The following ZNF827 variants were observed in gnomAD, a reference collection of about 807,000 sequenced individuals.
The protein encoded by ZNF827 is zinc finger protein 827.
ZNF827 carries 13 observed loss-of-function variants against 102.4 expected under a neutral mutation model. That is an observed-to-expected ratio of 0.13 (90% CI 0.08 to 0.20). The LOEUF is 0.20. ZNF827 is among the 10% of genes least tolerant of loss of function. ZNF827 has a pLI of 1.00. For synonymous variants in ZNF827, 523 were observed against 536.2 expected, an observed-to-expected ratio of 0.98 and a Z score of 0.34; for missense variants, 1,103 against 1,344.4, an observed-to-expected ratio of 0.82 and a Z score of 2.81.
intron 9 of ZNF827, 74 bp from the exon 10 acceptor site, chr4:145,776,034 T>C (rs2126948918): frequency 6.4e-7 from 1 of 1,552,930 alleles, no homozygotes; most frequent in African/African-American, 1.4e-5. Context: ...CAAGAATCAG[T>C]TAAAGGTATC....
chr4:145,867,660 C>T (rs775497963), intron 5 of ZNF827, among the ~76,000 whole-genome samples: 11 of 152,192 alleles, frequency 7.2e-5, no homozygotes, highest in Non-Finnish European at 1.5e-4. Flanking sequence ...ATGCCTCATC[C>T]TTGCATAACT....
chr4:145,771,128 A>G, intron 11 of ZNF827: 1 of 152,198 alleles, frequency 6.6e-6, no homozygotes, highest in East Asian at 1.9e-4. Context: ...AGGTTTTCTT[A>G]ACAGTTTATA....
At chr4:145,887,937 G>A (rs1750257656) in intron 3 of ZNF827, among the ~76,000 whole-genome samples, 1 of 152,196 alleles carries the variant, frequency 6.6e-6, no homozygotes, top group Non-Finnish European at 1.5e-5. Flanking sequence ...TACATCTACT[G>A]ACCCAGGAGA....
chr4:145,779,388 A>T lies in ZNF827; in HGVS notation c.2507T>A (p.Leu836His), dbSNP rs1473434378. 6.2e-7 allele frequency: 1 copy of T among 1,614,112 alleles called. No individual in the cohort carries two copies. Among genetic ancestry groups the T allele is most frequent in the East Asian group, 2.2e-5 (1 of 44,886 alleles). ...TACTCACTCACCTGTGTGCAGCGAGAGGTGTCGGGACAATGTCTGCTGTCG... is the reference window on the plus strand; with the variant it reads ...TACTCACTCACCTGTGTGCAGCGAGTGGTGTCGGGACAATGTCTGCTGTCG... Reference protein sequence around the residue: ...FGRQQTLSRHLSLHTEERKYK... With the variant: ...FGRQQTLSRHHSLHTEERKYK... The change falls in exon 9 of 15, where the codon CTC (leucine) becomes CAC (histidine). Residue 836 changes from leucine (L) to histidine (H), a missense_variant. Physicochemically the swap from Leu to His is moderately conservative, Grantham distance 99. Around this residue, in one of 5 missense-constraint regions of ZNF827, gnomAD observed 242 missense variants for 361.9 expected, o/e 0.67. Transcript: ENST00000508784.
At chr4:145,807,193 T>A (rs1161784033) in intron 8 of ZNF827, among the ~76,000 whole-genome samples, 2 of 152,230 alleles carry the variant, frequency 1.3e-5, no homozygotes, top group Admixed American at 1.3e-4. Context: ...AAGATTGTTG[T>A]ACAAGATGTT....
intron 1 of ZNF827, among the ~76,000 whole-genome samples, chr4:145,921,470 CAAAAAAA>C (rs35423633): frequency 3.1e-4 from 17 of 54,126 alleles, no homozygotes; most frequent in African/African-American, 1.1e-3. Context: ...GAGACTCAGG[CAAAAAAA>C]AAAAAAAAAA....
chr4:145,918,240 T>C, intron 1 of ZNF827, among the ~76,000 whole-genome samples: 1 of 150,838 alleles, frequency 6.6e-6, no homozygotes. Flanking sequence ...TCCTACTTTA[T>C]GCTTTGCGGG....
Position 145,902,745 on chromosome 4 carries a change from T to G in ZNF827, c.514A>C (p.Lys172Gln). The change falls in exon 2 of 15, where the codon AAG becomes CAG. Residue 172 changes from lysine to glutamine, a missense_variant. By Grantham distance (53) the Lys-to-Gln change is moderately conservative (BLOSUM62 1). Coordinates refer to ENST00000508784, the MANE Select transcript of ZNF827 (RefSeq NM_001306215.2). The surrounding 1 kb of genome is among the most constrained non-coding windows in gnomAD (Gnocchi z 4.3). ...HAQQLSVLAR[K>Q]LAEKQEQNDQ... The stretch of plus-strand genomic sequence containing the variant: ...TTCTGTTCCTGCTTCTCGGCCAACT[T>G]CCTGGCCAGAACACTGAGCTGCTGG... 6 of 1,614,022 alleles carry G rather than the reference T, an allele frequency of 3.7e-6. No individual in the cohort carries two copies. Among genetic ancestry groups the G allele is most frequent in the Non-Finnish European group, 4.2e-6 (5 of 1,180,020 alleles).
In ZNF827 at chr4:145,765,283, C is replaced by A; in HGVS notation, c.3053-118G>T. 6 of 1,146,740 alleles carry A rather than the reference C, an allele frequency of 5.2e-6. No homozygotes were observed. Among genetic ancestry groups the A allele is most frequent in the Non-Finnish European group, 6.0e-6 (5 of 831,012 alleles). 71.0% of individuals were successfully genotyped at this position (1,146,740 alleles called of 1,614,324 possible). A position where few individuals can be genotyped will look rare whatever the true frequency, so the allele number is the denominator to read the frequency against. On this transcript the variant is annotated intron_variant, in intron 12 of 14. Coordinates refer to ENST00000508784, the MANE Select transcript of ZNF827 (RefSeq NM_001306215.2). The surrounding 1 kb of genome is among the most constrained non-coding windows in gnomAD (Gnocchi z 4.7). ...TCCTCCGACGCCTGACAGCTATACC[C>A]TTCCAGGCACTGTTCCCCATATCTC...
chr4:145,770,014 C>T (rs977256321), intron 11 of ZNF827, among the ~76,000 whole-genome samples: 40 of 152,100 alleles, frequency 2.6e-4, no homozygotes, highest in African/African-American at 9.4e-4. Context: ...ACTCTAGATC[C>T]AGGCTGGGTG....
intron 7 of ZNF827, among the ~76,000 whole-genome samples, chr4:145,841,697 A>G (rs1273219316): frequency 6.6e-6 from 1 of 152,222 alleles, no homozygotes; most frequent in Admixed American, 6.5e-5. Context: ...AGTTGCATCT[A>G]AAGGACTGAT....
At chr4:145,808,435 T>C (rs1031974927) in intron 8 of ZNF827, among the ~76,000 whole-genome samples, 6 of 152,126 alleles carry the variant, frequency 3.9e-5, no homozygotes, top group East Asian at 3.9e-4. Flanking sequence ...CCTAATTCCA[T>C]TGAAGTTAAA....
At chr4:145,914,089 A>C (rs927861839) in intron 1 of ZNF827, among the ~76,000 whole-genome samples, 1 of 151,634 alleles carries the variant, frequency 6.6e-6, no homozygotes, top group African/African-American at 2.4e-5. Flanking sequence ...ACACACACAC[A>C]CCAAGAGCAT....
intron 8 of ZNF827, among the ~76,000 whole-genome samples, chr4:145,803,417 G>C (rs1346014025): frequency 6.6e-6 from 1 of 151,904 alleles, no homozygotes; most frequent in Admixed American, 6.6e-5. Context: ...TTACCACCAA[G>C]AGGCTAAGGA....
At chr4:145,810,765 T>C (rs1373323245) in intron 8 of ZNF827, among the ~76,000 whole-genome samples, 2 of 152,228 alleles carry the variant, frequency 1.3e-5, no homozygotes, top group African/African-American at 4.8e-5. Flanking sequence ...TTAATGGCTG[T>C]GGAGTTTCCC....
intron 1 of ZNF827, among the ~76,000 whole-genome samples, chr4:145,929,550 G>T (rs1753658330): frequency 6.6e-6 from 1 of 151,804 alleles, no homozygotes; most frequent in South Asian, 2.1e-4. Context: ...AATATTGTTG[G>T]CCTATGAAAC....
rs770679587 is a variant in ZNF827, at chr4:145,762,985, G to A, written c.*17+105C>T. The stretch of plus-strand genomic sequence containing the variant: ...CGGCCTCCTCAGCGCCAAGCTCGCC[G>A]TTAGCCTTTGAACCTCAGCTCACAG... On this transcript the variant is annotated intron_variant, in intron 14 of 14. Coordinates refer to ENST00000508784, the MANE Select transcript of ZNF827 (RefSeq NM_001306215.2). The surrounding 1 kb of genome is among the most constrained non-coding windows in gnomAD (Gnocchi z 4.9). 2.7e-5 allele frequency: 32 copies of A among 1,163,870 alleles called. No individual in the cohort carries two copies. Among genetic ancestry groups the A allele is most frequent in the Middle Eastern group, 5.3e-4 (2 of 3,740 alleles). The allele number at this position is 1,163,870 out of a possible 1,614,324, so 72.1% of individuals were successfully genotyped here.
At chr4:145,873,776 G>C (rs1198352095) in intron 4 of ZNF827, among the ~76,000 whole-genome samples, 1 of 152,042 alleles carries the variant, frequency 6.6e-6, no homozygotes. Context: ...GATTTTGCTG[G>C]TCACCCTTCT....
At chr4:145,772,716 CT>C (rs1328760448) in intron 11 of ZNF827, among the ~76,000 whole-genome samples, 1 of 152,212 alleles carries the variant, frequency 6.6e-6, no homozygotes, top group African/African-American at 2.4e-5. Context: ...TAACCTTATT[CT>C]TAGAGCAGCA....
Sources: allele counts gnomAD v4.1 joint callset (sites outside exome capture counted in the v4.1 genomes callset), GRCh38; gene constraint gnomAD v4.1.1; regional missense constraint gnomAD v4.1.1; non-coding constraint Gnocchi (gnomAD v3.1); transcripts MANE v1.5; gene names NCBI Gene and HGNC (gene_info 2026-07-23, HGNC 2026-07-21).